The following ROBO2 variants were observed in gnomAD, a reference collection of about 807,000 sequenced individuals.
The protein encoded by ROBO2 is roundabout homolog 2.
ROBO2 carries 53 observed loss-of-function variants against 160.8 expected under a neutral mutation model. That is an observed-to-expected ratio of 0.33 (90% CI 0.26 to 0.41). The LOEUF (loss-of-function observed/expected upper bound fraction) is 0.41. ROBO2 is among the 10% of genes least tolerant of loss of function. The pLI is 1.00. For synonymous variants in ROBO2, 664 were observed against 611.7 expected (o/e 1.09, Z -1.26); for missense variants, 1,577 against 1,722.4 (o/e 0.92, Z 1.49).
At chr3:77,347,706 G>GAC (rs2067824745) in intron 2 of ROBO2, among the ~76,000 whole-genome samples, 2 of 152,030 alleles carry the variant, frequency 1.3e-5, no homozygotes, top group South Asian at 4.2e-4. Flanking sequence ...ATTAGGATTT[G>GAC]ACACAGATGG....
At chr3:77,492,137 G>T (rs1313107147) in intron 4 of ROBO2, among the ~76,000 whole-genome samples, 1 of 152,094 alleles carries the variant, frequency 6.6e-6, no homozygotes, top group African/African-American at 2.4e-5. Flanking sequence ...TGTCCAGATG[G>T]CCAGAAAAAT....
In ROBO2 at chr3:76,207,591, C is replaced by T. The variant is rs566282933; in HGVS notation, c.109+269989C>T. Among the ~76,000 whole-genome samples the T allele has an allele frequency of 4.0e-4, 61 of 152,052 alleles. 1 individual carries two copies. Among genetic ancestry groups the T allele is most frequent in the South Asian group, 1.2e-3 (6 of 4,828 alleles). ...ATTCACTAAACATTTCTGAAAATCA[C>T]CTGTGTGACAAATATGTGAGATACT... On this transcript the variant is annotated intron_variant, in intron 2 of 26. Transcript: ENST00000487694.
chr3:77,235,674 A>G (rs2087867713), intron 2 of ROBO2, among the ~76,000 whole-genome samples: 1 of 152,230 alleles, frequency 6.6e-6, no homozygotes, highest in South Asian at 2.1e-4. Flanking sequence ...TTCTGCCAAA[A>G]ATGAAATGTA....
intron 2 of ROBO2, among the ~76,000 whole-genome samples, chr3:77,012,467 C>T (rs1202010626): frequency 6.6e-6 from 1 of 152,122 alleles, no homozygotes; most frequent in Non-Finnish European, 1.5e-5. Flanking sequence ...ATTCGAATAA[C>T]ATATGTGAAT....
chr3:76,458,147 A>G (rs2077878518), intron 2 of ROBO2, among the ~76,000 whole-genome samples: 1 of 152,158 alleles, frequency 6.6e-6, no homozygotes, highest in Non-Finnish European at 1.5e-5. Flanking sequence ...TTTCTATCAC[A>G]TAGTCAGGCT....
intron 13 of ROBO2, among the ~76,000 whole-genome samples, chr3:77,573,387 G>C (rs2093684336): frequency 6.6e-6 from 1 of 151,720 alleles, no homozygotes; most frequent in Non-Finnish European, 1.5e-5. Flanking sequence ...TTAGGTGATT[G>C]TCAATAGCAA....
intron 2 of ROBO2, among the ~76,000 whole-genome samples, chr3:76,216,431 C>T (rs927988663): frequency 2.6e-5 from 4 of 152,094 alleles, no homozygotes; most frequent in African/African-American, 4.8e-5. Context: ...CATGCAGAGA[C>T]ACATATAGGC....
intron 2 of ROBO2, among the ~76,000 whole-genome samples, chr3:76,126,491 A>T (rs7624755): frequency 0.055 from 8,392 of 152,190 alleles, 466 homozygotes; most frequent in East Asian, 0.15. Flanking sequence ...TCTTTGTTTA[A>T]AAAAACCACC....
intron 2 of ROBO2, among the ~76,000 whole-genome samples, chr3:76,212,913 G>GAGAA (rs74468245): frequency 2.8e-4 from 1 of 3,618 alleles, no homozygotes; most frequent in Non-Finnish European, 4.7e-3. Flanking sequence ...GGTGTTCTTA[G>GAGAA]TTTCACTTTT....
At chr3:77,223,261 C>A (rs899312509) in intron 2 of ROBO2, among the ~76,000 whole-genome samples, 1 of 151,850 alleles carries the variant, frequency 6.6e-6, no homozygotes, top group African/African-American at 2.4e-5. Context: ...ATATCTGTAC[C>A]TTCATTGATT....
intron 2 of ROBO2, among the ~76,000 whole-genome samples, chr3:76,317,020 A>T (rs1385535540): frequency 6.6e-6 from 1 of 152,226 alleles, no homozygotes; most frequent in African/African-American, 2.4e-5. Context: ...ATTATATTTC[A>T]TCTTCTAAAG....
At chr3:77,465,923 T>C (rs1161643680) in intron 2 of ROBO2, among the ~76,000 whole-genome samples, 1 of 152,188 alleles carries the variant, frequency 6.6e-6, no homozygotes, top group African/African-American at 2.4e-5. Flanking sequence ...GATATTTGCA[T>C]GTATAAAAAG....
chr3:76,049,314 A>C (rs2067565774), intron 2 of ROBO2, among the ~76,000 whole-genome samples: 1 of 149,508 alleles, frequency 6.7e-6, no homozygotes, highest in African/African-American at 2.5e-5. Flanking sequence ...GGGCTCAAGC[A>C]ATCCTCTCAC....
chr3:77,198,159 C>T (rs1175169956), intron 2 of ROBO2, among the ~76,000 whole-genome samples: 1 of 152,096 alleles, frequency 6.6e-6, no homozygotes, highest in Non-Finnish European at 1.5e-5. Context: ...TTTGATAACC[C>T]ATAAGCATAA....
chr3:77,241,835 G>T (rs1386570549), intron 2 of ROBO2, among the ~76,000 whole-genome samples: 1 of 152,152 alleles, frequency 6.6e-6, no homozygotes, highest in African/African-American at 2.4e-5. Context: ...TCATCCATTT[G>T]TATCAGTCTT....
intron 2 of ROBO2, among the ~76,000 whole-genome samples, chr3:75,948,177 T>TGGA (rs1284992436): frequency 2.6e-5 from 4 of 152,132 alleles, no homozygotes; most frequent in Admixed American, 2.0e-4. Flanking sequence ...TTGTGTTTAG[T>TGGA]GGACTTTTAT....
At chr3:76,128,761 G>A (rs753591166) in intron 2 of ROBO2, among the ~76,000 whole-genome samples, 1 of 151,972 alleles carries the variant, frequency 6.6e-6, no homozygotes, top group Non-Finnish European at 1.5e-5. Flanking sequence ...ATAAACTGCT[G>A]CTTTTTTCTT....
intron 2 of ROBO2, among the ~76,000 whole-genome samples, chr3:76,314,349 C>T (rs2071820038): frequency 6.6e-6 from 1 of 152,136 alleles, no homozygotes; most frequent in Non-Finnish European, 1.5e-5. Context: ...AAGATGTAAA[C>T]AGCTCCATTC....
intron 2 of ROBO2, among the ~76,000 whole-genome samples, chr3:77,252,939 T>C (rs2153308282): frequency 6.7e-6 from 1 of 149,976 alleles, no homozygotes; most frequent in African/African-American, 2.4e-5. Context: ...AATTAATTTG[T>C]ATGGCTAGCT....
Sources: allele counts gnomAD v4.1 joint callset (sites outside exome capture counted in the v4.1 genomes callset), GRCh38; gene constraint gnomAD v4.1.1; transcripts MANE v1.5; gene names NCBI Gene and HGNC (gene_info 2026-07-23, HGNC 2026-07-21).